QSER1: variants seen among roughly 807,000 people sequenced by gnomAD.
QSER1 encodes the protein glutamine and serine rich 1, also known as glutamine and serine-rich protein 1.
Under a neutral mutation model 158.5 loss-of-function variants are expected in QSER1, and 49 were observed. The ratio of observed to expected loss-of-function variants is 0.31; its 90% CI spans 0.25 to 0.39. QSER1 has a LOEUF of 0.39. Among genes scored for constraint, QSER1 ranks in the 10% least tolerant of loss-of-function variants. QSER1 has a pLI of 1.00. For synonymous variants in QSER1, 650 were observed against 715.5 expected, an observed-to-expected ratio of 0.91 and a Z score of 1.46; for missense variants, 1,754 against 2,010.3, an observed-to-expected ratio of 0.87 and a Z score of 2.44.
At chr11:32,899,683 C>A (rs1161367185) in intron 1 of QSER1, among the ~76,000 whole-genome samples, 1 of 152,016 alleles carries the variant, frequency 6.6e-6, no homozygotes, top group African/African-American at 2.4e-5. Flanking sequence ...ACTGTCTTGC[C>A]TCTGAAAGAA....
In QSER1 at chr11:32,977,713, A is replaced by G. The variant is rs537795119; in HGVS notation, c.*1239A>G. On this transcript the variant is annotated 3_prime_UTR_variant, in exon 13 of 13. Coordinates refer to ENST00000650167, the MANE Select transcript of QSER1 (RefSeq NM_001076786.3). ...CTGAGACAGTGAATGTATTAGGTTC[A>G]ACATGACCTTGTGTTTTATTTGTGT... is the stretch of plus-strand genomic sequence containing the variant. The G allele has an allele frequency of 2.0e-5, 3 of 152,762 alleles. No individual in the cohort carries two copies. In the South Asian group the frequency reaches 6.2e-4, roughly 32 times the overall value. The allele number at this position is 152,762 out of a possible 1,614,324, so 9.5% of individuals were successfully genotyped here.
intron 1 of QSER1, among the ~76,000 whole-genome samples, chr11:32,906,734 A>G (rs1851699624): frequency 6.6e-6 from 1 of 152,110 alleles, no homozygotes; most frequent in Non-Finnish European, 1.5e-5. Flanking sequence ...TTGTACAGAA[A>G]ATTTCAAACC....
chr11:32,921,025 T>C (rs532016446), intron 1 of QSER1, among the ~76,000 whole-genome samples: 10 of 152,196 alleles, frequency 6.6e-5, no homozygotes, highest in Non-Finnish European at 1.3e-4. Flanking sequence ...AATTAAAACA[T>C]ACATCTATAC....
chr11:32,948,971 A>C (rs1272778487), intron 4 of QSER1, among the ~76,000 whole-genome samples: 1 of 152,068 alleles, frequency 6.6e-6, no homozygotes, highest in Non-Finnish European at 1.5e-5. Context: ...AGCTTCTCCA[A>C]ATCTGTCAAT....
At position 32,932,589 on chromosome 11, in the gene QSER1, A is replaced by G; in HGVS notation, c.1331A>G (p.Asn444Ser). The G allele has an allele frequency of 6.2e-7, 1 of 1,614,120 alleles. No individual in the cohort carries two copies. Among genetic ancestry groups the G allele is most frequent in the Non-Finnish European group, 8.5e-7 (1 of 1,180,012 alleles). The change falls in exon 4 of 13, where the codon AAT becomes AGT. Residue 444 changes from asparagine (N) to serine (S), a missense_variant. Physicochemically the swap from Asn to Ser is conservative, Grantham distance 46. This residue lies in a region of QSER1 where 1,707 missense variants were observed against 1,919.6 expected (regional missense o/e 0.89). Coordinates refer to ENST00000650167, the MANE Select transcript of QSER1 (RefSeq NM_001076786.3). The stretch of plus-strand genomic sequence containing the variant: ...CTAAGCTATTCCAAACCTTTACATA[A>G]TCAGAGTTCTGTAATATCGGGCCAA... ...QTLSYSKPLH[N>S]QSSVISGQAQ...
chr11:32,929,364 A>G (rs1480080111), intron 3 of QSER1, among the ~76,000 whole-genome samples: 1 of 152,148 alleles, frequency 6.6e-6, no homozygotes, highest in Non-Finnish European at 1.5e-5. Context: ...TGCCTGCCTC[A>G]GCCTCCCAAA....
chr11:32,966,342 C>T lies in QSER1; in HGVS notation c.5012C>T (p.Thr1671Ile). The T allele has an allele frequency of 6.2e-7, 1 of 1,613,992 alleles. No homozygotes were observed. Among genetic ancestry groups the T allele is most frequent in the Non-Finnish European group, 8.5e-7 (1 of 1,179,952 alleles). ...CCCTTTGTCACTCGCTTTTTGAACA[C>T]AAGAGCAATGAAGGAAACCTTTAAG... ...PAPFVTRFLN[T>I]RAMKETFKSY... Residue 1671 changes from threonine (T) to isoleucine (I), a missense_variant, in exon 9 of 13, where the codon ACA (threonine) becomes ATA (isoleucine). Physicochemically the swap from Thr to Ile is moderately conservative, Grantham distance 89 (BLOSUM62 -1). This residue lies in a region of QSER1 where 1,707 missense variants were observed against 1,919.6 expected (regional missense o/e 0.89). Transcript: ENST00000650167.
chr11:32,902,673 G>A (rs970829777), intron 1 of QSER1, among the ~76,000 whole-genome samples: 1 of 152,172 alleles, frequency 6.6e-6, no homozygotes, highest in Admixed American at 6.6e-5. Context: ...AGACAATAGT[G>A]GAATCTCAGA....
At chr11:32,963,370 G>C (rs1277626404) in intron 8 of QSER1, among the ~76,000 whole-genome samples, 2 of 151,548 alleles carry the variant, frequency 1.3e-5, no homozygotes, top group Admixed American at 6.6e-5. Context: ...TTGTTTGTTT[G>C]TTTGAGACGG....
chr11:32,966,245 GT>G, intron 8 of QSER1, 54 bp from the exon 9 acceptor site: 1 of 1,576,122 alleles, frequency 6.3e-7, no homozygotes, highest in Non-Finnish European at 8.6e-7. Context: ...AGAGAAAAGT[GT>G]TTTTAAAATT....
chr11:32,935,466 T>C (rs770192025), intron 4 of QSER1, 31 bp downstream of exon 4: 7 of 1,423,820 alleles, frequency 4.9e-6, no homozygotes, highest in East Asian at 2.3e-5. Flanking sequence ...TTCATAATTA[T>C]TACTTTCTTC....
At chr11:32,922,059 A>G (rs1040307185) in intron 1 of QSER1, among the ~76,000 whole-genome samples, 2 of 152,180 alleles carry the variant, frequency 1.3e-5, no homozygotes, top group African/African-American at 4.8e-5. Context: ...TTTAAAAATG[A>G]GTATCAACCT....
rs369730542 is a variant in QSER1, at chr11:32,934,472, G to T, written c.3214G>T (p.Asp1072Tyr). 1 of 1,613,590 alleles carries T rather than the reference G, an allele frequency of 6.2e-7. No homozygotes were observed. The highest frequency in any genetic ancestry group is 1.3e-5 in the African/African-American group (1 of 74,908). ...VPALQSKMTL[D>Y]QQHIETPGQN... ...TGCCCTTCAGTCAAAAATGACTCTTGATCAACAGCACATTGAAACACCTGG... is the reference window on the plus strand; with the variant it reads ...TGCCCTTCAGTCAAAAATGACTCTTTATCAACAGCACATTGAAACACCTGG... The change falls in exon 4 of 13, where the codon GAT (aspartate) becomes TAT (tyrosine). Residue 1072 changes from aspartate to tyrosine, a missense_variant. Asp to Tyr is a radical substitution (Grantham distance 160). Transcript: ENST00000650167.
At chr11:32,971,329 A>G (rs535941960) in intron 10 of QSER1, among the ~76,000 whole-genome samples, 4 of 152,364 alleles carry the variant, frequency 2.6e-5, no homozygotes, top group African/African-American at 9.6e-5. Flanking sequence ...AGAAATAATT[A>G]GTGTGCTTTC....
intron 4 of QSER1, among the ~76,000 whole-genome samples, chr11:32,945,849 T>C (rs1263843230): frequency 1.3e-5 from 2 of 152,056 alleles, no homozygotes; most frequent in Non-Finnish European, 2.9e-5. Context: ...CTTGGTTCCA[T>C]TCTCCCCATC....
chr11:32,962,111 C>T (rs982250512), intron 8 of QSER1, among the ~76,000 whole-genome samples: 1 of 152,152 alleles, frequency 6.6e-6, no homozygotes. Flanking sequence ...GAAAGCATGA[C>T]GGTTCCAATT....
chr11:32,931,789 G>A lies in QSER1; in HGVS notation c.531G>A (p.Leu177=). The A allele has an allele frequency of 6.2e-7, 1 of 1,613,080 alleles. No homozygotes were observed. Among genetic ancestry groups the A allele is most frequent in the Middle Eastern group, 1.7e-4 (1 of 6,054 alleles). Reference sequence around the variant, plus strand: ...CTGAGCTGTTTGCTACTGGACCTTTGCCAAGCACTGGAACACTTCCACCAT... The same window carrying A: ...CTGAGCTGTTTGCTACTGGACCTTTACCAAGCACTGGAACACTTCCACCAT... ...AATELFATGP[L]PSTGTLPPSL... The change falls in exon 4 of 13, where the codon TTG becomes TTA. Residue 177 remains leucine, a synonymous_variant. Transcript: ENST00000650167.
intron 1 of QSER1, among the ~76,000 whole-genome samples, chr11:32,914,334 C>G (rs78166060): frequency 0.046 from 7,003 of 152,234 alleles, 238 homozygotes; most frequent in Non-Finnish European, 0.07. Flanking sequence ...ATTTGGGGCT[C>G]CTAACTTCCA....
At chr11:32,894,089 G>T (rs1229264423) in intron 1 of QSER1, among the ~76,000 whole-genome samples, 3 of 152,076 alleles carry the variant, frequency 2.0e-5, no homozygotes, top group Admixed American at 2.0e-4. Context: ...GGGTTGGGGT[G>T]GGGGTAGTGA....
Sources: allele counts gnomAD v4.1 joint callset (sites outside exome capture counted in the v4.1 genomes callset), GRCh38; gene constraint gnomAD v4.1.1; regional missense constraint gnomAD v4.1.1; transcripts MANE v1.5; gene names NCBI Gene and HGNC (gene_info 2026-07-23, HGNC 2026-07-21).